CUX1: variants seen among roughly 807,000 people sequenced by gnomAD.
CUX1 encodes cut like homeobox 1.
A neutral mutation model predicts 158.8 loss-of-function variants in CUX1; 31 were observed. The observed-to-expected ratio is 0.20, with a 90% CI of 0.15 to 0.26. The LOEUF is 0.26. Among genes scored for constraint, CUX1 ranks in the 10% least tolerant of loss-of-function variants. The pLI is 1.00. For synonymous variants in CUX1, 879 were observed against 862.1 expected (o/e 1.02, Z -0.34); for missense variants, 1,589 against 2,014.6 (o/e 0.79, Z 4.04).
rs374339832 is a variant in CUX1, at chr7:102,257,898, C to CT, written c.*8872dup. ...GAAAAAAGGAAAAAAAAAAAGTCGT[C>CT]TTTTTTTTTTTTTTTTGTACAAATC... On this transcript the variant is annotated 3_prime_UTR_variant, in exon 24 of 24. Transcript: ENST00000292535. 86,872 of 834,132 alleles carry CT rather than the reference C, an allele frequency of 0.1. 392 individuals are homozygous for CT. The highest frequency in any genetic ancestry group is 0.16 in the African/African-American group (7,627 of 48,346). 51.7% of individuals were successfully genotyped at this position (834,132 alleles called of 1,614,324 possible). A position where few individuals can be genotyped will look rare whatever the true frequency, so the allele number is the denominator to read the frequency against.
chr7:102,102,496 T>C (rs376000180), intron 5 of CUX1, among the ~76,000 whole-genome samples: 3 of 150,066 alleles, frequency 2.0e-5, no homozygotes, highest in Non-Finnish European at 4.4e-5. Flanking sequence ...CGCCCAGGTG[T>C]TTTGCTCCTG....
Position 102,227,549 on chromosome 7 carries a change from C to A in CUX1, c.3313C>A (p.Pro1105Thr). Residue 1105 changes from proline (P) to threonine (T), a missense_variant, in exon 21 of 24, where the codon CCG becomes ACG. By Grantham distance (38) the Pro-to-Thr change is conservative (BLOSUM62 -1). Around this residue, in one of 8 missense-constraint regions of CUX1, gnomAD observed 259 missense variants for 373.8 expected, o/e 0.69. Transcript: ENST00000292535. Reference protein sequence around the residue: ...PPASDSQPTTPLPLSGHSALS... With the variant: ...PPASDSQPTTTLPLSGHSALS... ...AGCATCCGACTCCCAGCCCACAACC[C>A]CGCTGCCTCTCTCCGGACACTCGGC... 6.2e-7 allele frequency: 1 copy of A among 1,614,200 alleles called. No individual in the cohort carries two copies. Among genetic ancestry groups the A allele is most frequent in the Non-Finnish European group, 8.5e-7 (1 of 1,180,046 alleles).
At chr7:102,261,426 G>A (rs1022844429), downstream of CUX1, among the ~76,000 whole-genome samples, 2 of 151,998 alleles carry the variant, frequency 1.3e-5, no homozygotes, top group East Asian at 1.9e-4. Flanking sequence ...CCCAGGAGGC[G>A]GAGGTTGCAG....
intron 9 of CUX1, among the ~76,000 whole-genome samples, chr7:102,164,672 GT>G: frequency 6.6e-6 from 1 of 152,344 alleles, no homozygotes; most frequent in East Asian, 1.9e-4. Flanking sequence ...TCCAGCTGTG[GT>G]AGCTGTTCCC....
chr7:102,007,313 C>T (rs1585252437), intron 2 of CUX1, among the ~76,000 whole-genome samples: 1 of 152,226 alleles, frequency 6.6e-6, no homozygotes, highest in South Asian at 2.1e-4. Context: ...CTGAGGCCCT[C>T]GGCTCTTCCA....
intron 1 of CUX1, chr7:101,913,315 T>G: frequency 8.0e-7 from 1 of 1,251,996 alleles, no homozygotes; most frequent in African/African-American, 1.5e-5. Context: ...CCCCGTGGGT[T>G]TCCCATGCCG....
At chr7:101,973,885 C>T (rs1426389174) in intron 2 of CUX1, among the ~76,000 whole-genome samples, 2 of 151,464 alleles carry the variant, frequency 1.3e-5, no homozygotes, top group Non-Finnish European at 2.9e-5. Flanking sequence ...TCTCCTACCT[C>T]AGCCTCCCGA....
chr7:101,959,174 A>G (rs1028949027), intron 2 of CUX1, among the ~76,000 whole-genome samples: 5 of 151,926 alleles, frequency 3.3e-5, no homozygotes, highest in South Asian at 2.1e-4. Flanking sequence ...GATGGTGCCT[A>G]TAGATTCAGG....
intron 9 of CUX1, among the ~76,000 whole-genome samples, chr7:102,161,794 G>C (rs142210197): frequency 1.3e-5 from 2 of 152,092 alleles, no homozygotes; most frequent in Non-Finnish European, 2.9e-5. Flanking sequence ...TTTTAGTAGA[G>C]ACGGGGTTTC....
At chr7:102,132,281 ATGAG>A (rs1256832868) in intron 8 of CUX1, among the ~76,000 whole-genome samples, 2 of 142,926 alleles carry the variant, frequency 1.4e-5, no homozygotes, top group Non-Finnish European at 3.1e-5. Context: ...TGCAATATAT[ATGAG>A]AGAGAGAGTG....
intron 4 of CUX1, among the ~76,000 whole-genome samples, chr7:102,076,215 C>A (rs984137216): frequency 2.6e-5 from 4 of 152,048 alleles, no homozygotes; most frequent in Non-Finnish European, 2.9e-5. Context: ...AACCTCGTCT[C>A]TACTAAAAAA....
intron 14 of CUX1, among the ~76,000 whole-genome samples, chr7:102,267,532 C>T (rs762452302): frequency 6.6e-6 from 1 of 151,962 alleles, no homozygotes; most frequent in Non-Finnish European, 1.5e-5. Flanking sequence ...AACTCCGTCT[C>T]AAAAGAAATA....
In CUX1 at chr7:101,831,659, G is replaced by C. The variant is rs370690395; in HGVS notation, c.30+13990G>C. On this transcript the variant is annotated intron_variant, in intron 1 of 23. Coordinates refer to ENST00000292535, the MANE Select transcript of CUX1 (RefSeq NM_181552.4). ...GAATAAGTGAGTGCCCAGTGGCCTG[G>C]GAACAGACGGAGCAGGACTGATACA... Among the ~76,000 whole-genome samples, 27 of 152,036 alleles carry C rather than the reference G, an allele frequency of 1.8e-4. No individual in the cohort carries two copies. The East Asian group carries it at 2.5e-3, about 14-fold the overall frequency.
chr7:101,987,264 C>A (rs1313202043), intron 2 of CUX1, among the ~76,000 whole-genome samples: 2 of 152,202 alleles, frequency 1.3e-5, no homozygotes, highest in Non-Finnish European at 2.9e-5. Flanking sequence ...GTGCGTGAGC[C>A]ACGACGGTAA....
chr7:101,982,892 C>A (rs974175790), intron 2 of CUX1, among the ~76,000 whole-genome samples: 1 of 126,032 alleles, frequency 7.9e-6, no homozygotes, highest in African/African-American at 3.0e-5. Context: ...CCATGACAAG[C>A]CCCGGTGTGT....
intron 2 of CUX1, among the ~76,000 whole-genome samples, chr7:101,917,888 C>G (rs905062398): frequency 1.3e-5 from 2 of 152,158 alleles, no homozygotes; most frequent in African/African-American, 4.8e-5. Context: ...ATAATTTCAA[C>G]ACTTTGGAAG....
At chr7:101,895,843 C>T (rs956649964) in intron 1 of CUX1, among the ~76,000 whole-genome samples, 1 of 140,766 alleles carries the variant, frequency 7.1e-6, no homozygotes, top group Non-Finnish European at 1.5e-5. Flanking sequence ...TGGAAGGGGG[C>T]GGATTATTGG....
chr7:102,105,876 C>A (rs1830290394), intron 6 of CUX1, among the ~76,000 whole-genome samples: 1 of 151,196 alleles, frequency 6.6e-6, no homozygotes. Flanking sequence ...CCGCTCCCAT[C>A]AAGTAAAAGA....
Position 102,253,633 on chromosome 7 carries a change from A to G in CUX1, c.*4591A>G. The G allele has an allele frequency of 1.0e-6, 1 of 985,374 alleles. No homozygotes were observed. Among genetic ancestry groups the G allele is most frequent in the Non-Finnish European group, 1.2e-6 (1 of 829,924 alleles). The allele number at this position is 985,374 out of a possible 1,614,324, so 61.0% of individuals were successfully genotyped here. A position where few individuals can be genotyped will look rare whatever the true frequency, so the allele number is the denominator to read the frequency against. ...GGGAACAGACGCATGTCCTTCTGGG[A>G]GTCACACAAAAGCAGAGAGATTTTG... On this transcript the variant is annotated 3_prime_UTR_variant, in exon 24 of 24. Transcript: ENST00000292535.
Sources: allele counts gnomAD v4.1 joint callset (sites outside exome capture counted in the v4.1 genomes callset), GRCh38; gene constraint gnomAD v4.1.1; regional missense constraint gnomAD v4.1.1; transcripts MANE v1.5; gene names NCBI Gene and HGNC (gene_info 2026-07-23, HGNC 2026-07-21).